The following ERBB4 variants were observed in gnomAD, a reference collection of about 807,000 sequenced individuals.
ERBB4 encodes the protein receptor tyrosine-protein kinase erbB-4.
ERBB4 carries 42 observed loss-of-function variants against 158.0 expected under a neutral mutation model. The ratio of observed to expected loss-of-function variants is 0.27; its 90% CI spans 0.21 to 0.34. The LOEUF is 0.34. ERBB4 is among the 10% of genes least tolerant of loss of function. The pLI, the probability that ERBB4 is intolerant of heterozygous loss-of-function variation, is 1.00. For missense variants in ERBB4, 1,333 were observed against 1,624.1 expected (o/e 0.82, Z 3.08); for synonymous variants, 583 against 558.7 (o/e 1.04, Z -0.61).
Position 212,003,254 on chromosome 2 carries a change from AAG to A in ERBB4, c.235-55640_235-55639del, listed in dbSNP as rs1432200570. ...GAAGGAAGGAAGGAAGGAAGGAAGG[AAG>A]GAAAGAGAGAGAAAGACAATACAAA... On this transcript the variant is annotated intron_variant, in intron 2 of 27. Coordinates refer to ENST00000342788, the MANE Select transcript of ERBB4 (RefSeq NM_005235.3). Among the ~76,000 whole-genome samples, 459 of 119,230 alleles carry A rather than the reference AAG, an allele frequency of 3.8e-3. 40 individuals carry two copies. Among genetic ancestry groups the A allele is most frequent in the Middle Eastern group, 0.015 (3 of 202 alleles). The allele number at this position is 119,230 out of a possible 152,430, so 78.2% of individuals were successfully genotyped here. A position where few individuals can be genotyped will look rare whatever the true frequency, so the allele number is the denominator to read the frequency against.
At chr2:212,046,888 T>C (rs1172627490) in intron 2 of ERBB4, among the ~76,000 whole-genome samples, 1 of 152,188 alleles carries the variant, frequency 6.6e-6, no homozygotes, top group African/African-American at 2.4e-5. Context: ...TTGCTTAACC[T>C]TGTGGAATTC....
At chr2:212,398,033 G>C (rs2091080681) in intron 1 of ERBB4, among the ~76,000 whole-genome samples, 1 of 151,258 alleles carries the variant, frequency 6.6e-6, no homozygotes, top group African/African-American at 2.4e-5. Context: ...TATCTGAAAA[G>C]AATAATCAGG....
chr2:211,462,593 C>T (rs1032451352), intron 20 of ERBB4, among the ~76,000 whole-genome samples: 1 of 152,082 alleles, frequency 6.6e-6, no homozygotes, highest in Non-Finnish European at 1.5e-5. Context: ...ATTTGTACCC[C>T]AAGACTCAAA....
chr2:212,310,287 A>G (rs2086981320), intron 1 of ERBB4, among the ~76,000 whole-genome samples: 1 of 150,586 alleles, frequency 6.6e-6, no homozygotes, highest in Non-Finnish European at 1.5e-5. Context: ...TGTTAATTAT[A>G]CTCTATTGTT....
chr2:212,054,355 G>C (rs576881372), intron 2 of ERBB4, among the ~76,000 whole-genome samples: 4 of 152,146 alleles, frequency 2.6e-5, no homozygotes, highest in African/African-American at 7.2e-5. Context: ...AGGCCACATA[G>C]GATAAAAAGA....
chr2:212,166,646 G>C (rs996384025), intron 1 of ERBB4, among the ~76,000 whole-genome samples: 2 of 150,882 alleles, frequency 1.3e-5, no homozygotes, highest in Admixed American at 1.3e-4. Context: ...ACAACCCTAA[G>C]CAAAAAGAAC....
intron 13 of ERBB4, among the ~76,000 whole-genome samples, chr2:211,676,919 A>G (rs1467610791): frequency 6.6e-6 from 1 of 152,234 alleles, no homozygotes; most frequent in Non-Finnish European, 1.5e-5. Flanking sequence ...AAGCATAAAT[A>G]TGATTCAATG....
At chr2:212,482,613 C>G (rs957961623) in intron 1 of ERBB4, among the ~76,000 whole-genome samples, 2 of 152,064 alleles carry the variant, frequency 1.3e-5, no homozygotes, top group African/African-American at 4.8e-5. Flanking sequence ...AACTCAACTT[C>G]TTTGTTTGTT....
At chr2:211,753,645 C>T (rs982786764) in intron 4 of ERBB4, among the ~76,000 whole-genome samples, 2 of 151,730 alleles carry the variant, frequency 1.3e-5, no homozygotes, top group African/African-American at 2.4e-5. Flanking sequence ...ATTCCTTAAA[C>T]GATGACACGT....
intron 19 of ERBB4, among the ~76,000 whole-genome samples, chr2:211,609,066 C>G (rs1303808789): frequency 6.6e-6 from 1 of 152,078 alleles, no homozygotes; most frequent in African/African-American, 2.4e-5. Context: ...AAGGCCTCAG[C>G]AGCAGCCCAA....
At position 211,783,006 on chromosome 2, in the gene ERBB4, C is replaced by A. The variant is rs536209801; in HGVS notation, c.556+5019G>T. On this transcript the variant is annotated intron_variant, in intron 4 of 27. Coordinates refer to ENST00000342788, the MANE Select transcript of ERBB4 (RefSeq NM_005235.3). ...GATACTGATCCTTCCTATCCATGAG[C>A]GTGGAATGTTCTTCCATTTGTGTCC... Among the ~76,000 whole-genome samples the A allele has an allele frequency of 6.5e-5, 8 of 123,706 alleles. No homozygotes were observed. The South Asian group carries it at 1.3e-3, about 19-fold the overall frequency. 81.2% of individuals were successfully genotyped at this position (123,706 alleles called of 152,430 possible). A position where few individuals can be genotyped will look rare whatever the true frequency, so the allele number is the denominator to read the frequency against.
At chr2:212,230,365 A>C (rs2083620965) in intron 1 of ERBB4, among the ~76,000 whole-genome samples, 1 of 152,178 alleles carries the variant, frequency 6.6e-6, no homozygotes, top group Non-Finnish European at 1.5e-5. Context: ...TATCCATAAT[A>C]AAATATGCTA....
chr2:211,891,813 TG>T (rs1374350868), intron 3 of ERBB4, among the ~76,000 whole-genome samples: 1 of 135,372 alleles, frequency 7.4e-6, no homozygotes, highest in Admixed American at 7.2e-5. Flanking sequence ...CTAGAAGAAA[TG>T]GATAAATTCC....
At chr2:212,516,537 T>C (rs1239292489) in intron 1 of ERBB4, among the ~76,000 whole-genome samples, 1 of 152,092 alleles carries the variant, frequency 6.6e-6, no homozygotes, top group Non-Finnish European at 1.5e-5. Flanking sequence ...AAGATGATCA[T>C]ATAAGAGCTC....
intron 1 of ERBB4, among the ~76,000 whole-genome samples, chr2:212,350,240 A>C (rs2089194592): frequency 6.6e-6 from 1 of 152,142 alleles, no homozygotes; most frequent in African/African-American, 2.4e-5. Flanking sequence ...TAATATAGAA[A>C]TGAATTTTCC....
intron 2 of ERBB4, among the ~76,000 whole-genome samples, chr2:212,011,736 C>T (rs557481814): frequency 6.7e-5 from 10 of 149,416 alleles, no homozygotes; most frequent in Non-Finnish European, 1.2e-4. Flanking sequence ...GGCAAGACAG[C>T]GACACTCTGT....
intron 1 of ERBB4, among the ~76,000 whole-genome samples, chr2:212,204,698 C>T (rs971514207): frequency 1.6e-4 from 20 of 122,672 alleles, no homozygotes; most frequent in African/African-American, 6.0e-4. Context: ...CTCTGTCCCC[C>T]ACAAAAAAAA....
chr2:212,454,972 G>T (rs894214753), intron 1 of ERBB4, among the ~76,000 whole-genome samples: 1 of 151,980 alleles, frequency 6.6e-6, no homozygotes, highest in African/African-American at 2.4e-5. Context: ...TTATAAAACA[G>T]AATGCAAAGT....
chr2:211,578,348 GAATT>G (rs1233081432), intron 19 of ERBB4, among the ~76,000 whole-genome samples: 3 of 152,194 alleles, frequency 2.0e-5, no homozygotes, highest in African/African-American at 7.2e-5. Context: ...TGAATAGGAA[GAATT>G]AATATCGTGA....
Sources: allele counts gnomAD v4.1 joint callset (sites outside exome capture counted in the v4.1 genomes callset), GRCh38; gene constraint gnomAD v4.1.1; transcripts MANE v1.5; gene names NCBI Gene and HGNC (gene_info 2026-07-23, HGNC 2026-07-21).